PRRG2: variants seen among roughly 807,000 people sequenced by gnomAD.
The protein encoded by PRRG2 is proline rich and Gla domain 2.
A neutral mutation model predicts 27.1 loss-of-function variants in PRRG2; 23 were observed. The observed-to-expected ratio is 0.85, with a 90% CI of 0.61 to 1.20. The LOEUF (loss-of-function observed/expected upper bound fraction) is 1.20. Among genes scored for constraint, PRRG2 ranks in the 50% most tolerant of loss-of-function variants. PRRG2 has a pLI of 0.00. For synonymous variants in PRRG2, 104 were observed against 103.4 expected (o/e 1.01, Z -0.03); for missense variants, 276 against 254.8 (o/e 1.08, Z -0.57).
At chr19:49,590,196 A>G (rs1568418757) in intron 6 of PRRG2, 144 bp downstream of exon 6, 2 of 1,384,950 alleles carry the variant, frequency 1.4e-6, no homozygotes, top group Non-Finnish European at 2.0e-6. Context: ...GCCCCATGCA[A>G]TGGTCTAGGG....
At chr19:49,587,353 CAG>C (rs1305094978) in intron 4 of PRRG2, among the ~76,000 whole-genome samples, 1 of 136,198 alleles carries the variant, frequency 7.3e-6, no homozygotes, top group Non-Finnish European at 1.5e-5. Flanking sequence ...TTGAGGGCGA[CAG>C]AGTCTCTCTC....
Position 49,588,647 on chromosome 19 carries a change from G to A in PRRG2, c.437+15G>A, listed in dbSNP as rs199769124. The A allele has an allele frequency of 2.9e-5, 44 of 1,521,282 alleles. No homozygotes were observed. The East Asian group carries it at 1.1e-3, about 37-fold the overall frequency. 94.2% of individuals were successfully genotyped at this position (1,521,282 alleles called of 1,614,324 possible). A position where few individuals can be genotyped will look rare whatever the true frequency, so the allele number is the denominator to read the frequency against. ...TGTCCCCAAGAGTAAGGGGGCTTCAGCGAGGAGGGGGTGGTGGTGGAGAGC... is the reference window on the plus strand; with the variant it reads ...TGTCCCCAAGAGTAAGGGGGCTTCAACGAGGAGGGGGTGGTGGTGGAGAGC... On this transcript the variant is annotated intron_variant, in intron 5 of 6. Transcript: ENST00000246794.
At chr19:49,587,161 T>A (rs971332805) in intron 4 of PRRG2, among the ~76,000 whole-genome samples, 23 of 129,562 alleles carry the variant, frequency 1.8e-4, no homozygotes, top group South Asian at 1.4e-3. Context: ...AAAAAAAAAA[T>A]TTTCTTTTTT....
rs529022611 is a variant in PRRG2, at chr19:49,582,447, G to T, written c.-13-760G>T. Among the ~76,000 whole-genome samples the T allele has an allele frequency of 2.4e-3, 370 of 151,446 alleles. 2 individuals are homozygous for T. Among genetic ancestry groups the T allele is most frequent in the Non-Finnish European group, 4.2e-3 (285 of 67,842 alleles). On this transcript the variant is annotated intron_variant, in intron 1 of 6. Transcript: ENST00000246794. ...CCACAACCACGCCTGGCTAATTTTTGTATGACTCCTGTGAAAAGTAAAATG... is the reference window on the plus strand; with the variant it reads ...CCACAACCACGCCTGGCTAATTTTTTTATGACTCCTGTGAAAAGTAAAATG...
chr19:49,583,511 AT>A (rs769443127), intron 2 of PRRG2, 30 bp from the exon 3 acceptor site: 1 of 1,610,758 alleles, frequency 6.2e-7, no homozygotes, highest in South Asian at 1.1e-5. Flanking sequence ...GGGACCCTCC[AT>A]TTTTCTGTCC....
At position 49,583,913 on chromosome 19, in the gene PRRG2, G is replaced by T. The variant is rs759648609; in HGVS notation, c.262G>T (p.Glu88Ter). ...TCTTTTCCACTCCTTCCCCCTCAAG[G>T]AGCGCTTTTGGGAGAGCTACATCTA... ...REYFEDNTLT[E>*]RFWESYIYNG... is the part of the protein sequence containing the mutation. The change falls in exon 4 of 7, where the codon GAG (glutamate) becomes TAG (stop). Residue 88 changes from glutamate (E) to a stop codon, truncating the protein, a stop_gained and splice_region_variant. Coordinates refer to ENST00000246794, the MANE Select transcript of PRRG2 (RefSeq NM_000951.3). LOFTEE classifies it high-confidence loss of function. 1 of 1,613,902 alleles carries T rather than the reference G, an allele frequency of 6.2e-7. No homozygotes were observed. Among genetic ancestry groups the T allele is most frequent in the Middle Eastern group, 1.7e-4 (1 of 6,060 alleles).
In PRRG2 at chr19:49,583,908, T is replaced by G; in HGVS notation, c.262-5T>G. ...CCCCTTCTTTTCCACTCCTTCCCCCTCAAGGAGCGCTTTTGGGAGAGCTAC... is the reference window on the plus strand; with the variant it reads ...CCCCTTCTTTTCCACTCCTTCCCCCGCAAGGAGCGCTTTTGGGAGAGCTAC... On this transcript the variant is annotated splice_polypyrimidine_tract_variant and splice_region_variant and intron_variant, in intron 3 of 6. Coordinates refer to ENST00000246794, the MANE Select transcript of PRRG2 (RefSeq NM_000951.3). The G allele has an allele frequency of 6.2e-7, 1 of 1,613,718 alleles. No individual in the cohort carries two copies. Among genetic ancestry groups the G allele is most frequent in the Non-Finnish European group, 8.5e-7 (1 of 1,179,750 alleles).
intron 4 of PRRG2, among the ~76,000 whole-genome samples, chr19:49,584,600 T>C (rs1429697995): frequency 6.6e-6 from 1 of 152,156 alleles, no homozygotes; most frequent in Non-Finnish European, 1.5e-5. Context: ...TCCTGAGTAA[T>C]TGGGACTCCA....
At position 49,583,744 on chromosome 19, in the gene PRRG2, C is replaced by T. The variant is rs748980265; in HGVS notation, c.261+27C>T. The stretch of plus-strand genomic sequence containing the variant: ...TGAGGGCCTCGAGACCCTGGAGTTT[C>T]GGGCCCTCTCTCTTCTCTATACCTG... On this transcript the variant is annotated intron_variant, in intron 3 of 6. Coordinates refer to ENST00000246794, the MANE Select transcript of PRRG2 (RefSeq NM_000951.3). 1.9e-5 allele frequency: 30 copies of T among 1,611,854 alleles called. No homozygotes were observed. The Middle Eastern group carries it at 4.9e-4, about 27-fold the overall frequency.
rs569624484 is a variant in PRRG2 at position 49,586,157 on chromosome 19, C to T, written c.301+2205C>T. Among the ~76,000 whole-genome samples the T allele has an allele frequency of 6.6e-5, 10 of 151,558 alleles. 1 individual carries two copies. The South Asian group carries it at 2.1e-3, about 32-fold the overall frequency. ...AGTGCAGTGGCACGATGACGACTCA[C>T]TGCAGCCTCGACCTCCTAGGCTCAA... On this transcript the variant is annotated intron_variant, in intron 4 of 6. Coordinates refer to ENST00000246794, the MANE Select transcript of PRRG2 (RefSeq NM_000951.3).
chr19:49,590,685 A>G lies in PRRG2; in HGVS notation c.*296A>G. On this transcript the variant is annotated 3_prime_UTR_variant, in exon 7 of 7. Transcript: ENST00000246794. Reference sequence around the variant, plus strand: ...TAGGCAGACGCGCGGGGAAATTCGGACCCAGGAGCCCAGCCCCGGCTGTGC... The same window carrying G: ...TAGGCAGACGCGCGGGGAAATTCGGGCCCAGGAGCCCAGCCCCGGCTGTGC... 1 of 498,112 alleles carries G rather than the reference A, an allele frequency of 2.0e-6. No homozygotes were observed. Among genetic ancestry groups the G allele is most frequent in the Non-Finnish European group, 3.6e-6 (1 of 276,878 alleles). The allele number at this position is 498,112 out of a possible 1,614,324, so 30.9% of individuals were successfully genotyped here.
rs1284265136 is a variant in PRRG2, at chr19:49,583,594, G to T, written c.138G>T (p.Arg46=). 3.7e-6 allele frequency: 6 copies of T among 1,614,200 alleles called. No homozygotes were observed. In the East Asian group the frequency reaches 1.3e-4, roughly 36 times the overall value. Residue 46 remains arginine, a synonymous_variant, in exon 3 of 7, where the codon CGG becomes CGT. Coordinates refer to ENST00000246794, the MANE Select transcript of PRRG2 (RefSeq NM_000951.3). The part of the protein sequence containing the change: ...EAQSFLSSHT[R]IPRANHWDLE... ...AGAGCTTCCTGAGTAGCCATACCCGGATTCCAAGAGCCAACCACTGGGACC... is the reference window on the plus strand; with the variant it reads ...AGAGCTTCCTGAGTAGCCATACCCGTATTCCAAGAGCCAACCACTGGGACC...
intron 4 of PRRG2, among the ~76,000 whole-genome samples, chr19:49,587,484 T>G (rs1375475874): frequency 9.5e-5 from 14 of 146,858 alleles, no homozygotes; most frequent in African/African-American, 3.5e-4. Flanking sequence ...GGTTAATTTT[T>G]TTTTTTTTTT....
intron 5 of PRRG2, among the ~76,000 whole-genome samples, chr19:49,588,881 G>A (rs570810382): frequency 1.5e-4 from 23 of 152,190 alleles, no homozygotes; most frequent in South Asian, 4.1e-4. Context: ...CTGTCTTTGC[G>A]GTACTGAGAT....
intron 4 of PRRG2, among the ~76,000 whole-genome samples, chr19:49,585,859 C>T (rs1599776108): frequency 6.6e-6 from 1 of 152,036 alleles, no homozygotes; most frequent in South Asian, 2.1e-4. Context: ...GCAAGCAGAT[C>T]ACCTGAGTTC....
intron 4 of PRRG2, among the ~76,000 whole-genome samples, chr19:49,586,072 C>CAAAA (rs1171500009): frequency 7.0e-5 from 4 of 56,922 alleles, no homozygotes; most frequent in Admixed American, 2.2e-4. Context: ...AGAGTGTCTC[C>CAAAA]AAAAAAAAAA....
At chr19:49,586,554 T>C (rs996517585) in intron 4 of PRRG2, among the ~76,000 whole-genome samples, 1 of 151,504 alleles carries the variant, frequency 6.6e-6, no homozygotes, top group East Asian at 2.0e-4. Flanking sequence ...ACCCAGCTAT[T>C]AAAAACATTT....
Position 49,590,607 on chromosome 19 carries a change from G to A in PRRG2, c.*218G>A, listed in dbSNP as rs2080713815. 2 of 635,126 alleles carry A rather than the reference G, an allele frequency of 3.1e-6. No individual in the cohort carries two copies. The highest frequency in any genetic ancestry group is 3.0e-5 in the Admixed American group (1 of 33,826). 39.3% of individuals were successfully genotyped at this position (635,126 alleles called of 1,614,324 possible). A position where few individuals can be genotyped will look rare whatever the true frequency, so the allele number is the denominator to read the frequency against. Reference sequence around the variant, plus strand: ...GTGTTCCCGTGTCCTGGCCCCTCACGGGCCCCCACACTCTCCTGACCGTGA... The same window carrying A: ...GTGTTCCCGTGTCCTGGCCCCTCACAGGCCCCCACACTCTCCTGACCGTGA... On this transcript the variant is annotated 3_prime_UTR_variant, in exon 7 of 7. Transcript: ENST00000246794.
intron 5 of PRRG2, 21 bp downstream of exon 5, chr19:49,588,653 AG>A: frequency 6.6e-7 from 1 of 1,512,760 alleles, no homozygotes; most frequent in Admixed American, 2.3e-5. Flanking sequence ...TTCAGCGAGG[AG>A]GGGGTGGTGG....
Sources: gnomAD v4.1 joint callset for allele counts (sites outside exome capture counted in the v4.1 genomes callset) on GRCh38, gnomAD v4.1.1 for gene constraint, MANE v1.5 for transcripts, NCBI Gene and HGNC (gene_info 2026-07-23, HGNC 2026-07-21) for gene names.